Variants in TSPEAR observed in about 807,000 individuals in gnomAD.
TSPEAR encodes thrombospondin-type laminin G domain and EAR repeat-containing protein.
A neutral mutation model predicts 71.6 loss-of-function variants in TSPEAR; 69 were observed. That is an observed-to-expected ratio of 0.96 (90% CI 0.79 to 1.18). The LOEUF (loss-of-function observed/expected upper bound fraction) is 1.18. TSPEAR is among the 50% of genes most tolerant of loss of function. TSPEAR has a pLI of 0.00. For missense variants in TSPEAR, 971 were observed against 894.9 expected (o/e 1.09, Z -1.09); for synonymous variants, 402 against 387.2 (o/e 1.04, Z -0.45).
intron 1 of TSPEAR, among the ~76,000 whole-genome samples, chr21:44,573,271 C>T (rs1471320160): frequency 2.6e-5 from 4 of 152,080 alleles, no homozygotes; most frequent in East Asian, 1.9e-4. Flanking sequence ...CAAGGCCCAG[C>T]GGAGCCACCC....
chr21:44,684,560 T>G (rs1422406517), intron 1 of TSPEAR, among the ~76,000 whole-genome samples: 2 of 152,074 alleles, frequency 1.3e-5, no homozygotes, highest in Non-Finnish European at 2.9e-5. Flanking sequence ...GAGATTGAAG[T>G]GAAAATCTGT....
chr21:44,686,017 A>G lies in TSPEAR; in HGVS notation c.82+25416T>C, dbSNP rs527266717. On this transcript the variant is annotated intron_variant, in intron 1 of 11. Coordinates refer to ENST00000323084, the MANE Select transcript of TSPEAR (RefSeq NM_144991.3). ...TATGGAGCCCAGTAGCTTGGCTCTC[A>G]TTACTTGGGAAGACCCTGATGATGA... 8.5e-5 allele frequency among the ~76,000 whole-genome samples: 13 copies of G among 152,312 alleles called. No individual in the cohort carries two copies. In the South Asian group the frequency reaches 2.1e-3, roughly 24 times the overall value.
At chr21:44,677,798 ATT>A (rs1458390743) in intron 1 of TSPEAR, 1 of 1,291,048 alleles carries the variant, frequency 7.7e-7, no homozygotes, top group Non-Finnish European at 1.1e-6. Flanking sequence ...GCAATGGAAC[ATT>A]ATAAGGTGCA....
Position 44,628,170 on chromosome 21 carries a change from G to T in TSPEAR, c.83-60165C>A, listed in dbSNP as rs587769948. ...AGAAGGAGCAGCCCCAGCCACAGCCGCCCAGCCCCGGGGTCTCAGATGCTC... is the reference window on the plus strand; with the variant it reads ...AGAAGGAGCAGCCCCAGCCACAGCCTCCCAGCCCCGGGGTCTCAGATGCTC... On this transcript the variant is annotated intron_variant, in intron 1 of 11. Coordinates refer to ENST00000323084, the MANE Select transcript of TSPEAR (RefSeq NM_144991.3). 368 of 1,288,292 alleles carry T rather than the reference G, an allele frequency of 2.9e-4. 2 individuals are homozygous for T. In the South Asian group the frequency reaches 4.8e-3, roughly 17 times the overall value. The allele number at this position is 1,288,292 out of a possible 1,614,324, so 79.8% of individuals were successfully genotyped here.
intron 2 of TSPEAR, among the ~76,000 whole-genome samples, chr21:44,542,204 T>C (rs1484533825): frequency 6.6e-6 from 1 of 151,892 alleles, no homozygotes; most frequent in Non-Finnish European, 1.5e-5. Flanking sequence ...TTACAACATA[T>C]AGACAAAACC....
At chr21:44,502,494 C>T (rs1200020556) in intron 11 of TSPEAR, among the ~76,000 whole-genome samples, 2 of 152,218 alleles carry the variant, frequency 1.3e-5, no homozygotes, top group Admixed American at 1.3e-4. Flanking sequence ...AAAGCCAACC[C>T]CATTCGTTAA....
In TSPEAR at chr21:44,634,141, T is replaced by C. The variant is rs183362158; in HGVS notation, c.83-66136A>G. ...GTGTGCACCTGTAGTCCCAGCTACC[T>C]GGGAAACTGAGGTGGGAGGATCACT... On this transcript the variant is annotated intron_variant, in intron 1 of 11. Transcript: ENST00000323084. 4.4e-3 allele frequency among the ~76,000 whole-genome samples: 672 copies of C among 152,288 alleles called. 6 individuals are homozygous for C. Among genetic ancestry groups the C allele is most frequent in the African/African-American group, 0.014 (591 of 41,546 alleles).
At chr21:44,519,426 G>C (rs1210567520) in intron 9 of TSPEAR, 1 of 142,594 alleles carries the variant, frequency 7.0e-6, no homozygotes, top group Non-Finnish European at 1.5e-5. Context: ...CCAGCTTGCA[G>C]CTGCTTTCGC....
At chr21:44,696,847 C>T (rs1348133482) in intron 1 of TSPEAR, among the ~76,000 whole-genome samples, 1 of 152,076 alleles carries the variant, frequency 6.6e-6, no homozygotes, top group Admixed American at 6.6e-5. Flanking sequence ...TGGGGAGCTT[C>T]AGGAGCTAAG....
rs148329918 is a variant in TSPEAR at position 44,694,014 on chromosome 21, A to G, written c.82+17419T>C. The stretch of plus-strand genomic sequence containing the variant: ...ACTGCAAAGCTACAGTAATCAAAAC[A>G]GTGTGGTACTAACATAAGGATAGAC... On this transcript the variant is annotated intron_variant, in intron 1 of 11. Coordinates refer to ENST00000323084, the MANE Select transcript of TSPEAR (RefSeq NM_144991.3). 2.6e-4 allele frequency among the ~76,000 whole-genome samples: 39 copies of G among 152,350 alleles called. No individual in the cohort carries two copies. The East Asian group carries it at 4.8e-3, about 19-fold the overall frequency.
At chr21:44,525,989 G>C in intron 7 of TSPEAR, 150 bp from the exon 8 acceptor site, 1 of 695,038 alleles carries the variant, frequency 1.4e-6, no homozygotes, top group Middle Eastern at 2.6e-4. Flanking sequence ...CGCATTACAG[G>C]TCATCATGGT....
Position 44,624,565 on chromosome 21 carries a change from T to C in TSPEAR, c.83-56560A>G, listed in dbSNP as rs587759777. Reference sequence around the variant, plus strand: ...AGGCACTTAGGCTACAGGCAGATCATATGAGTTCAATACGAGCTGATTTAA... The same window carrying C: ...AGGCACTTAGGCTACAGGCAGATCACATGAGTTCAATACGAGCTGATTTAA... On this transcript the variant is annotated intron_variant, in intron 1 of 11. Coordinates refer to ENST00000323084, the MANE Select transcript of TSPEAR (RefSeq NM_144991.3). Among the ~76,000 whole-genome samples, 37 of 152,368 alleles carry C rather than the reference T, an allele frequency of 2.4e-4. No homozygotes were observed. In the Middle Eastern group the frequency reaches 0.014, roughly 56 times the overall value.
At chr21:44,513,963 A>G (rs2052476152) in intron 9 of TSPEAR, among the ~76,000 whole-genome samples, 1 of 152,108 alleles carries the variant, frequency 6.6e-6, no homozygotes, top group African/African-American at 2.4e-5. Flanking sequence ...AACTGGGCTC[A>G]GCACACTCCC....
At chr21:44,582,895 G>T (rs1979089327) in intron 1 of TSPEAR, among the ~76,000 whole-genome samples, 1 of 151,584 alleles carries the variant, frequency 6.6e-6, no homozygotes, top group Non-Finnish European at 1.5e-5. Flanking sequence ...GAGTGCAGTG[G>T]TGCTGCAGGC....
chr21:44,625,468 G>C (rs1004776220), intron 1 of TSPEAR, among the ~76,000 whole-genome samples: 2 of 152,172 alleles, frequency 1.3e-5, no homozygotes, highest in Non-Finnish European at 2.9e-5. Context: ...TATTGATAAT[G>C]GGACTTGAAT....
intron 5 of TSPEAR, among the ~76,000 whole-genome samples, chr21:44,529,559 G>A (rs587749843): frequency 1.8e-4 from 27 of 152,280 alleles, no homozygotes; most frequent in Non-Finnish European, 3.2e-4. Flanking sequence ...GATGGCTGTC[G>A]TGGGAGTGCT....
At chr21:44,705,695 G>C (rs1555952219) in intron 1 of TSPEAR, among the ~76,000 whole-genome samples, 1 of 149,386 alleles carries the variant, frequency 6.7e-6, no homozygotes, top group African/African-American at 2.4e-5. Flanking sequence ...TGGTCAGACC[G>C]GTTGATCTCA....
At position 44,645,680 on chromosome 21, in the gene TSPEAR, G is replaced by A. The variant is rs115549939; in HGVS notation, c.82+65753C>T. On this transcript the variant is annotated intron_variant, in intron 1 of 11. Transcript: ENST00000323084. ...TTCCTCTTATCTTATCGTCTGTGCC[G>A]TTTTTATTTCATATGAAGTGTACAT... Among the ~76,000 whole-genome samples, 1,390 of 152,070 alleles carry A rather than the reference G, an allele frequency of 9.1e-3. 17 individuals carry two copies. Among genetic ancestry groups the A allele is most frequent in the Middle Eastern group, 0.041 (12 of 294 alleles).
chr21:44,552,935 G>A (rs1555919293), intron 2 of TSPEAR, among the ~76,000 whole-genome samples: 2 of 152,246 alleles, frequency 1.3e-5, no homozygotes, highest in African/African-American at 4.8e-5. Context: ...AGGGCAGTCA[G>A]CACTGGGAGC....
Sources: gnomAD v4.1 joint callset for allele counts (sites outside exome capture counted in the v4.1 genomes callset) on GRCh38, gnomAD v4.1.1 for gene constraint, MANE v1.5 for transcripts, NCBI Gene and HGNC (gene_info 2026-07-23, HGNC 2026-07-21) for gene names.